Variants in MFRP observed in about 807,000 individuals in gnomAD.
The protein encoded by MFRP is C1q and TNF related 5.
In MFRP, 74 loss-of-function variants were observed where a neutral mutation model predicts 65.8. That is an observed-to-expected ratio of 1.12 (90% CI 0.93 to 1.36). The LOEUF is 1.36. Ranked by LOEUF, MFRP falls within the 40% of genes most tolerant of loss-of-function variation. MFRP has a pLI of 0.00. For synonymous variants in MFRP, 336 were observed against 288.3 expected, an observed-to-expected ratio of 1.17 and a Z score of -1.68; for missense variants, 838 against 736.0, an observed-to-expected ratio of 1.14 and a Z score of -1.60.
rs781334024 is a variant in MFRP at position 119,341,679 on chromosome 11, G to A, written c.1609C>T (p.Pro537Ser). Residue 537 changes from proline to serine, a missense_variant, in exon 13 of 15, where the codon CCT becomes TCT. Transcript: ENST00000619721. ...GCTTCCTGGCAGACAGAGCGGCAAG[G>A]GGGCAGAACACTGCCTAGTGGGGTG... ...RCTPLGSVLPPCRSVCQEAEH... is the reference protein window; with the variant it reads ...RCTPLGSVLPSCRSVCQEAEH... 2.5e-6 allele frequency: 4 copies of A among 1,613,130 alleles called. No homozygotes were observed. The East Asian group carries it at 8.9e-5, about 36-fold the overall frequency.
At position 119,346,371 on chromosome 11, in the gene MFRP, C is replaced by T. The variant is rs529716845; in HGVS notation, c.58G>A (p.Glu20Lys). The T allele has an allele frequency of 3.6e-5, 58 of 1,613,970 alleles. No individual in the cohort carries two copies. Among genetic ancestry groups the T allele is most frequent in the Admixed American group, 5.0e-5 (3 of 60,012 alleles). ...GGCTCGAAGGCAGGATTGCAGAACT[C>T]GGTCTGGAAGGGGGAGATACTTGAG... ...CMEATESSKT[E>K]FCNPAFEPES... Residue 20 changes from glutamate (E) to lysine (K), a missense_variant, in exon 2 of 15, where the codon GAG (glutamate) becomes AAG (lysine). Coordinates refer to ENST00000619721, the MANE Select transcript of MFRP (RefSeq NM_031433.4).
At position 119,345,481 on chromosome 11, in the gene MFRP, C is replaced by T. The variant is rs753162509; in HGVS notation, c.580G>A (p.Val194Met). ...LKIEALSIES[V>M]ASCLFDRLEL... ...AAGCGATCAAAAAGGCAAGAGGCCA[C>T]ACTCTCTATGCTGAGGGCTTCGATC... Residue 194 changes from valine to methionine, a missense_variant, in exon 5 of 15, where the codon GTG becomes ATG. Coordinates refer to ENST00000619721, the MANE Select transcript of MFRP (RefSeq NM_031433.4). 6.2e-7 allele frequency: 1 copy of T among 1,614,090 alleles called. No individual in the cohort carries two copies. Among genetic ancestry groups the T allele is most frequent in the East Asian group, 2.2e-5 (1 of 44,868 alleles).
At position 119,344,354 on chromosome 11, in the gene MFRP, G is replaced by C; in HGVS notation, c.936C>G (p.Phe312Leu). ...ACTGCTGCAGGTAGCTGGGAGTAGAGAAAGTGCCCTGGAGGCCAGTCAGAT... is the reference window on the plus strand; with the variant it reads ...ACTGCTGCAGGTAGCTGGGAGTAGACAAAGTGCCCTGGAGGCCAGTCAGAT... ...GGNLTGLQGTFSTPSYLQQYP... is the reference protein window; with the variant it reads ...GGNLTGLQGTLSTPSYLQQYP... Residue 312 changes from phenylalanine to leucine, a missense_variant, in exon 8 of 15, where the codon TTC becomes TTG. Phe to Leu is a conservative substitution (Grantham distance 22). Coordinates refer to ENST00000619721, the MANE Select transcript of MFRP (RefSeq NM_031433.4). 6.2e-7 allele frequency: 1 copy of C among 1,614,056 alleles called. No homozygotes were observed. Among genetic ancestry groups the C allele is most frequent in the Non-Finnish European group, 8.5e-7 (1 of 1,180,014 alleles).
intron 9 of MFRP, 150 bp downstream of exon 9, chr11:119,343,666 C>A: frequency 1.0e-6 from 1 of 964,890 alleles, no homozygotes; most frequent in South Asian, 1.4e-5. Context: ...GAGGTGAGAG[C>A]TGTCTTTAGG....
chr11:119,341,406 A>C lies in MFRP; in HGVS notation c.*142T>G. On this transcript the variant is annotated 3_prime_UTR_variant, in exon 13 of 15. Transcript: ENST00000619721. Reference sequence around the variant, plus strand: ...GGTAGGGTCCCATGAGCCCCAGCTGAGGACTTCTCTTCCCCCTCCCTGGGA... The same window carrying C: ...GGTAGGGTCCCATGAGCCCCAGCTGCGGACTTCTCTTCCCCCTCCCTGGGA... The C allele has an allele frequency of 1.5e-6, 1 of 685,618 alleles. No homozygotes were observed. Among genetic ancestry groups the C allele is most frequent in the South Asian group, 1.9e-5 (1 of 53,930 alleles). 42.5% of individuals were successfully genotyped at this position (685,618 alleles called of 1,614,324 possible). A position where few individuals can be genotyped will look rare whatever the true frequency, so the allele number is the denominator to read the frequency against.
rs1182153798 is a variant in MFRP at position 119,339,929 on chromosome 11, C to T, written c.*1111-81G>A. 7.1e-7 allele frequency: 1 copy of T among 1,402,094 alleles called. No homozygotes were observed. Among genetic ancestry groups the T allele is most frequent in the East Asian group, 2.7e-5 (1 of 36,826 alleles). 86.9% of individuals were successfully genotyped at this position (1,402,094 alleles called of 1,614,324 possible). ...GGCGGCGACTCTAAGGTCACCGTAC[C>T]CCTCCCCGCCCCTGCCTGAGCTTCG... On this transcript the variant is annotated intron_variant, in intron 14 of 14. Coordinates refer to ENST00000619721, the MANE Select transcript of MFRP (RefSeq NM_031433.4). This position sits in a 1 kb window ranked among gnomAD's most constrained non-coding sequence, Gnocchi z 5.4.
Position 119,340,677 on chromosome 11 carries a change from C to G in MFRP, c.*853+18G>C. ...CAGTCCCCTCCCCAGCCCCTTTCCC[C>G]TCCTCCGCCAGACTCACCCCCCCTC... On this transcript the variant is annotated intron_variant, in intron 13 of 14. Coordinates refer to ENST00000619721, the MANE Select transcript of MFRP (RefSeq NM_031433.4). 2 of 481,686 alleles carry G rather than the reference C, an allele frequency of 4.2e-6. No homozygotes were observed. 29.8% of individuals were successfully genotyped at this position (481,686 alleles called of 1,614,324 possible). A position where few individuals can be genotyped will look rare whatever the true frequency, so the allele number is the denominator to read the frequency against.
intron 14 of MFRP, 110 bp downstream of exon 14, chr11:119,340,074 G>A (rs1156781373): frequency 2.2e-6 from 3 of 1,346,686 alleles, no homozygotes; most frequent in Admixed American, 3.1e-5. Flanking sequence ...TGCAAAGCGC[G>A]GGGAGTGGCG....
chr11:119,345,577 C>G lies in MFRP; in HGVS notation c.484G>C (p.Asp162His), dbSNP rs1950555571. ...CAGTGGGTGTTGGGGGGGTAAGGGT[C>G]TGGGTAGTTAGGGCTGCTGAAGAAG... ...RGFFSSPNYP[D>H]PYPPNTHCVW... The change falls in exon 5 of 15, where the codon GAC becomes CAC. Residue 162 changes from aspartate (D) to histidine (H), a missense_variant. Asp to His is a moderately conservative substitution (Grantham distance 81). Transcript: ENST00000619721. The G allele has an allele frequency of 1.2e-6, 2 of 1,613,766 alleles. No homozygotes were observed. The highest frequency in any genetic ancestry group is 8.5e-7 in the Non-Finnish European group (1 of 1,180,008).
intron 14 of MFRP, 75 bp downstream of exon 14, chr11:119,340,109 C>A: frequency 6.9e-7 from 1 of 1,450,790 alleles, no homozygotes. Context: ...ACCCGAGTCC[C>A]GGACACCGGG....
rs1195182969 is a variant in MFRP, at chr11:119,341,537, CG to C, written c.*10del. Reference sequence around the variant, plus strand: ...GGACGGGCAGGAAGAGGGCAGGGGCCGGCTTCAGGGTCAGGGCTGGGCACAA... The same window carrying C: ...GGACGGGCAGGAAGAGGGCAGGGGCCGCTTCAGGGTCAGGGCTGGGCACAA... On this transcript the variant is annotated 3_prime_UTR_variant, in exon 13 of 15. Transcript: ENST00000619721. 2 of 1,609,064 alleles carry C rather than the reference CG, an allele frequency of 1.2e-6. No individual in the cohort carries two copies. The highest frequency in any genetic ancestry group is 1.7e-6 in the Non-Finnish European group (2 of 1,177,478).
chr11:119,345,656 T>C (rs755098598), intron 4 of MFRP, 23 bp from the exon 5 acceptor site: 1 of 1,613,152 alleles, frequency 6.2e-7, no homozygotes, highest in Non-Finnish European at 8.5e-7. Context: ...AGGTTAGAGT[T>C]CAGAGGTCAA....
At chr11:119,343,702 G>C in intron 9 of MFRP, 114 bp downstream of exon 9, 1 of 1,340,998 alleles carries the variant, frequency 7.5e-7, no homozygotes, top group Non-Finnish European at 1.1e-6. Context: ...CCCCCGGCCT[G>C]GAGTAGCAGA....
chr11:119,344,930 C>T lies in MFRP; in HGVS notation c.716G>A (p.Ser239Asn). 6.2e-7 allele frequency: 1 copy of T among 1,611,326 alleles called. No homozygotes were observed. Among genetic ancestry groups the T allele is most frequent in the Non-Finnish European group, 8.5e-7 (1 of 1,179,216 alleles). Reference protein sequence around the residue: ...SHLLVVFVSDSSVEGFGFHAW... With the variant: ...SHLLVVFVSDNSVEGFGFHAW... ...ATGGAAACCAAATCCTTCCACACTG[C>T]TGTCAGAGACGAAGACCACCAGGAG... Residue 239 changes from serine (S) to asparagine (N), a missense_variant, in exon 6 of 15, where the codon AGC becomes AAC. Transcript: ENST00000619721.
intron 8 of MFRP, 76 bp from the exon 9 acceptor site, chr11:119,344,040 C>T: frequency 6.3e-7 from 1 of 1,583,652 alleles, no homozygotes; most frequent in Non-Finnish European, 8.6e-7. Flanking sequence ...GGGTCTTCTT[C>T]CCCCACTGCT....
In MFRP at chr11:119,339,313, C is replaced by T. The variant is rs777149267; in HGVS notation, c.*1646G>A. The T allele has an allele frequency of 6.2e-7, 1 of 1,609,758 alleles. No individual in the cohort carries two copies. The highest frequency in any genetic ancestry group is 8.5e-7 in the Non-Finnish European group (1 of 1,177,424). On this transcript the variant is annotated 3_prime_UTR_variant, in exon 15 of 15. Coordinates refer to ENST00000619721, the MANE Select transcript of MFRP (RefSeq NM_031433.4). The surrounding 1 kb of genome is among the most constrained non-coding windows in gnomAD (Gnocchi z 5.4). ...CTCCTTCTAGGAGTGAGAGCATGAG[C>T]TCACTTTGCAGTGGGCACTAAGCAA...
rs1950540810 is a variant in MFRP at position 119,344,646 on chromosome 11, C to T, written c.884G>A (p.Ser295Asn). ...CADGSDETNC[S>N]AKFSGCGGNL... ...CTGGCCCGTACCCGAGAACTTGGCA[C>T]TGCAATTGGTCTCATCACTGCCGTC... Residue 295 changes from serine (S) to asparagine (N), a missense_variant, in exon 7 of 15, where the codon AGT (serine) becomes AAT (asparagine). By Grantham distance (46) the Ser-to-Asn change is conservative. Coordinates refer to ENST00000619721, the MANE Select transcript of MFRP (RefSeq NM_031433.4). The T allele has an allele frequency of 1.2e-6, 2 of 1,614,102 alleles. No individual in the cohort carries two copies. Among genetic ancestry groups the T allele is most frequent in the South Asian group, 2.2e-5 (2 of 91,080 alleles).
intron 9 of MFRP, among the ~76,000 whole-genome samples, chr11:119,343,600 G>A (rs907407729): frequency 3.9e-5 from 6 of 152,212 alleles, no homozygotes; most frequent in Non-Finnish European, 8.8e-5. Context: ...ACTGGGGCAG[G>A]GAGAGGTTTG....
Position 119,346,388 on chromosome 11 carries a change from A to T in MFRP, c.55-14T>A. 1 of 1,613,622 alleles carries T rather than the reference A, an allele frequency of 6.2e-7. No individual in the cohort carries two copies. ...GCAGAACTCGGTCTGGAAGGGGGAG[A>T]TACTTGAGGGCTGAGGGCAGCAGTG... On this transcript the variant is annotated splice_polypyrimidine_tract_variant and intron_variant, in intron 1 of 14. Transcript: ENST00000619721.
Sources: allele counts gnomAD v4.1 joint callset (sites outside exome capture counted in the v4.1 genomes callset), GRCh38; gene constraint gnomAD v4.1.1; non-coding constraint Gnocchi (gnomAD v3.1); transcripts MANE v1.5; gene names NCBI Gene and HGNC (gene_info 2026-07-23, HGNC 2026-07-21).